Variants in RAPGEF3 observed in about 807,000 individuals in gnomAD.
RAPGEF3 encodes the protein 9330170P05Rik.
A neutral mutation model predicts 129.8 loss-of-function variants in RAPGEF3; 103 were observed. That is an observed-to-expected ratio of 0.79 (90% CI 0.68 to 0.93). The LOEUF (loss-of-function observed/expected upper bound fraction) is 0.93. RAPGEF3 is among the 40% of genes least tolerant of loss of function. The pLI, the probability that RAPGEF3 is intolerant of heterozygous loss-of-function variation, is 0.00. For synonymous variants in RAPGEF3, 436 were observed against 482.6 expected, an observed-to-expected ratio of 0.90 and a Z score of 1.26; for missense variants, 1,117 against 1,207.4, an observed-to-expected ratio of 0.93 and a Z score of 1.11.
At position 47,740,958 on chromosome 12, in the gene RAPGEF3, T is replaced by C; in HGVS notation, c.2006A>G (p.Gln669Arg). The change falls in exon 20 of 28, where the codon CAG becomes CGG. Residue 669 changes from glutamine to arginine, a missense_variant. By Grantham distance (43) the Gln-to-Arg change is conservative. This residue lies in a region of RAPGEF3 where 643 missense variants were observed against 673.4 expected (regional missense o/e 0.95). Transcript: ENST00000449771. The part of the protein sequence containing the change: ...DLVSAKDLAG[Q>R]LTDHDWSLFN... ...GAGGCTCCAGTCGTGGTCCGTCAGC[T>C]GGCCTGCCAGGTCCTTGGCACTCAC... The C allele has an allele frequency of 6.2e-7, 1 of 1,613,896 alleles. No individual in the cohort carries two copies. The highest frequency in any genetic ancestry group is 8.5e-7 in the Non-Finnish European group (1 of 1,179,992).
intron 21 of RAPGEF3, 99 bp downstream of exon 21, chr12:47,740,543 G>A (rs1039051176): frequency 1.3e-6 from 2 of 1,510,296 alleles, no homozygotes; most frequent in African/African-American, 1.4e-5. Flanking sequence ...GGAACAAATA[G>A]GGTGGCAGAT....
chr12:47,742,325 C>G (rs1396554396), intron 18 of RAPGEF3: 1 of 152,232 alleles, frequency 6.6e-6, no homozygotes, highest in Admixed American at 6.5e-5. Flanking sequence ...CTTCGGAGAT[C>G]AGTGCTCTAA....
Position 47,743,571 on chromosome 12 carries a change from C to T in RAPGEF3, c.1784G>A (p.Trp595Ter). 1 of 1,614,156 alleles carries T rather than the reference C, an allele frequency of 6.2e-7. No individual in the cohort carries two copies. The highest frequency in any genetic ancestry group is 8.5e-7 in the Non-Finnish European group (1 of 1,180,004). The change falls in exon 18 of 28, where the codon TGG (tryptophan) becomes TAG (stop). Residue 595 changes from tryptophan to a stop codon, truncating the protein, a stop_gained. Coordinates refer to ENST00000449771, the MANE Select transcript of RAPGEF3 (RefSeq NM_001098531.4). LOFTEE classifies it high-confidence loss of function. ...CTTCACCAGCACCTGCCCCTTGGTC[C>T]AGCCATCCTCCTGGGCCAACGCTGC... ...VMAALAQEDG[W>*]TKGQVLVKVN... is the part of the protein sequence containing the mutation.
At chr12:47,745,838 A>C (rs1192280870) in intron 16 of RAPGEF3, 1 of 152,372 alleles carries the variant, frequency 6.6e-6, no homozygotes, top group Admixed American at 6.5e-5. Flanking sequence ...GGGTGAGCCC[A>C]CATCAGTTTC....
intron 16 of RAPGEF3, 46 bp downstream of exon 16, chr12:47,746,814 G>A (rs1272878749): frequency 1.3e-6 from 2 of 1,555,356 alleles, no homozygotes; most frequent in South Asian, 2.4e-5. Flanking sequence ...GGAGGGGCCT[G>A]CAGTCCAGGA....
rs1026791963 is a variant in RAPGEF3 at position 47,740,967 on chromosome 12, A to C, written c.1997T>G (p.Leu666Arg). ...EGLDLVSAKDLAGQLTDHDWS... is the reference protein window; with the variant it reads ...EGLDLVSAKDRAGQLTDHDWS... ...GTCGTGGTCCGTCAGCTGGCCTGCC[A>C]GGTCCTTGGCACTCACCAGGTCCAG... is the stretch of plus-strand genomic sequence containing the variant. The change falls in exon 20 of 28, where the codon CTG becomes CGG. Residue 666 changes from leucine to arginine, a missense_variant. Physicochemically the swap from Leu to Arg is moderately radical, Grantham distance 102 (BLOSUM62 -2). This residue lies in a region of RAPGEF3 where 643 missense variants were observed against 673.4 expected (regional missense o/e 0.95). Coordinates refer to ENST00000449771, the MANE Select transcript of RAPGEF3 (RefSeq NM_001098531.4). 6.2e-7 allele frequency: 1 copy of C among 1,613,820 alleles called. No individual in the cohort carries two copies. The highest frequency in any genetic ancestry group is 8.5e-7 in the Non-Finnish European group (1 of 1,179,952).
chr12:47,741,774 C>T (rs918617843), intron 18 of RAPGEF3, 172 bp from the exon 19 acceptor site: 20 of 620,854 alleles, frequency 3.2e-5, no homozygotes, highest in Admixed American at 7.4e-5. Context: ...CACGCAGCCA[C>T]GCAGCCCAGG....
chr12:47,749,949 G>A lies in RAPGEF3; in HGVS notation c.798C>T (p.His266=). The part of the protein sequence containing the change: ...ELAAVLLFEP[H]SKAGTVLFSQ... Reference sequence around the variant, plus strand: ...ACTTACACACGGTCCCTGCCTTGCTGTGTGGTTCAAAGAGCAGAACAGCCG... The same window carrying A: ...ACTTACACACGGTCCCTGCCTTGCTATGTGGTTCAAAGAGCAGAACAGCCG... The change falls in exon 8 of 28, where the codon CAC becomes CAT. Residue 266 remains histidine, a synonymous_variant. Transcript: ENST00000449771. The surrounding 1 kb of genome is among the most constrained non-coding windows in gnomAD (Gnocchi z 4.5). 1 of 1,614,256 alleles carries A rather than the reference G, an allele frequency of 6.2e-7. No homozygotes were observed. The highest frequency in any genetic ancestry group is 8.5e-7 in the Non-Finnish European group (1 of 1,180,050).
At chr12:47,754,553 G>A (rs542070752) in intron 2 of RAPGEF3, among the ~76,000 whole-genome samples, 6 of 152,258 alleles carry the variant, frequency 3.9e-5, no homozygotes, top group Admixed American at 2.0e-4. Context: ...GCAGTGCTTC[G>A]GTTTCCTCAT....
chr12:47,739,285 C>T, intron 23 of RAPGEF3, 55 bp from the exon 24 acceptor site: 1 of 1,400,440 alleles, frequency 7.1e-7, no homozygotes, highest in Non-Finnish European at 1.0e-6. Context: ...CACCACAGAC[C>T]CCACCCAACC....
rs1463059222 is a variant in RAPGEF3 at position 47,740,142 on chromosome 12, A to G, written c.2372T>C (p.Leu791Pro). 1.2e-6 allele frequency: 2 copies of G among 1,612,626 alleles called. No homozygotes were observed. Among genetic ancestry groups the G allele is most frequent in the Non-Finnish European group, 1.7e-6 (2 of 1,179,584 alleles). ...GGCCGGGCAGGGTGGAGCACTCACC[A>G]GCAGCCTCTCGAGGGCGGAGTACAG... The part of the protein sequence containing the change: ...RKLYSALERL[L>P]DPSWNHRVYR... Residue 791 changes from leucine to proline, a missense_variant and splice_region_variant, in exon 23 of 28, where the codon CTG (leucine) becomes CCG (proline). By Grantham distance (98) the Leu-to-Pro change is moderately conservative. This residue lies in a region of RAPGEF3 where 643 missense variants were observed against 673.4 expected (regional missense o/e 0.95). Coordinates refer to ENST00000449771, the MANE Select transcript of RAPGEF3 (RefSeq NM_001098531.4).
At position 47,749,059 on chromosome 12, in the gene RAPGEF3, C is replaced by T. The variant is rs1941593980; in HGVS notation, c.1042-128G>A. The stretch of plus-strand genomic sequence containing the variant: ...CAGGGACCCACAGCCCTTCTCCCAC[C>T]TCCGACTTTGGCTCCACCTCCTCAG... On this transcript the variant is annotated intron_variant, in intron 10 of 27. Coordinates refer to ENST00000449771, the MANE Select transcript of RAPGEF3 (RefSeq NM_001098531.4). The surrounding 1 kb of genome is among the most constrained non-coding windows in gnomAD (Gnocchi z 4.5). The T allele has an allele frequency of 2.5e-6, 2 of 795,596 alleles. No homozygotes were observed. Among genetic ancestry groups the T allele is most frequent in the South Asian group, 3.3e-5 (2 of 60,134 alleles). 49.3% of individuals were successfully genotyped at this position (795,596 alleles called of 1,614,324 possible). A position where few individuals can be genotyped will look rare whatever the true frequency, so the allele number is the denominator to read the frequency against.
chr12:47,757,881 G>A lies in RAPGEF3; in HGVS notation c.204C>T (p.Ile68=), dbSNP rs1166587370. Residue 68 remains isoleucine, a synonymous_variant, in exon 2 of 28, where the codon ATC becomes ATT. Coordinates refer to ENST00000449771, the MANE Select transcript of RAPGEF3 (RefSeq NM_001098531.4). ...LLLEHQRPSC[I]QGLRWTPLTN... is the part of the protein sequence containing the mutation. ...AGGTACTCACCCAGCGCAGCCCCTG[G>A]ATGCAGCTCGGACGCTGGTGCTCCA... 6.4e-7 allele frequency: 1 copy of A among 1,555,402 alleles called. No homozygotes were observed. Among genetic ancestry groups the A allele is most frequent in the African/African-American group, 1.4e-5 (1 of 73,662 alleles).
rs1038475141 is a variant in RAPGEF3 at position 47,749,007 on chromosome 12, C to T, written c.1042-76G>A. The T allele has an allele frequency of 1.6e-6, 2 of 1,263,180 alleles. No individual in the cohort carries two copies. The highest frequency in any genetic ancestry group is 2.3e-6 in the Non-Finnish European group (2 of 867,040). 78.2% of individuals were successfully genotyped at this position (1,263,180 alleles called of 1,614,324 possible). On this transcript the variant is annotated intron_variant, in intron 10 of 27. Transcript: ENST00000449771. This position sits in a 1 kb window ranked among gnomAD's most constrained non-coding sequence, Gnocchi z 4.5. ...ACCCTCTCATCTACCTCCTTCATTC[C>T]AGCCCCTGAGCCCCATGAGGGTCCC... is the stretch of plus-strand genomic sequence containing the variant.
At chr12:47,740,270 T>C (rs748595721) in intron 22 of RAPGEF3, 35 bp downstream of exon 22, 2 of 1,610,926 alleles carry the variant, frequency 1.2e-6, no homozygotes, top group Admixed American at 1.7e-5. Context: ...GCCTGAGGCC[T>C]GACCTCAGGA....
In RAPGEF3 at chr12:47,740,879, C is replaced by A. The variant is rs534244548; in HGVS notation, c.2049+36G>T. Reference sequence around the variant, plus strand: ...GTGCTGAGCCGAGCCGGGCGCCCCGCCGCCTGCTCTCCTCCCCCAGCTCTG... The same window carrying A: ...GTGCTGAGCCGAGCCGGGCGCCCCGACGCCTGCTCTCCTCCCCCAGCTCTG... On this transcript the variant is annotated intron_variant, in intron 20 of 27. Transcript: ENST00000449771. 1.9e-6 allele frequency: 3 copies of A among 1,613,670 alleles called. No individual in the cohort carries two copies. In the South Asian group the frequency reaches 3.3e-5, roughly 18 times the overall value.
chr12:47,749,572 G>A lies in RAPGEF3; in HGVS notation c.895-36C>T, dbSNP rs372134333. On this transcript the variant is annotated intron_variant, in intron 9 of 27. Transcript: ENST00000449771. The surrounding 1 kb of genome is among the most constrained non-coding windows in gnomAD (Gnocchi z 4.5). Reference sequence around the variant, plus strand: ...GCCTCAGTCTCAGCCCGCCCCTGCCGCCCCTGCCGCCCCCAGCTCTTGCCA... The same window carrying A: ...GCCTCAGTCTCAGCCCGCCCCTGCCACCCCTGCCGCCCCCAGCTCTTGCCA... 45 of 1,498,744 alleles carry A rather than the reference G, an allele frequency of 3.0e-5. No homozygotes were observed. The highest frequency in any genetic ancestry group is 2.3e-4 in the Middle Eastern group (1 of 4,296). 92.8% of individuals were successfully genotyped at this position (1,498,744 alleles called of 1,614,324 possible). A position where few individuals can be genotyped will look rare whatever the true frequency, so the allele number is the denominator to read the frequency against.
intron 16 of RAPGEF3, 47 bp from the exon 17 acceptor site, chr12:47,744,115 G>C: frequency 6.8e-7 from 1 of 1,468,852 alleles, no homozygotes; most frequent in South Asian, 1.2e-5. Flanking sequence ...GACATGAGAG[G>C]AGACCGTGGA....
rs780159448 is a variant in RAPGEF3 at position 47,751,088 on chromosome 12, G to T, written c.631C>A (p.Arg211=). ...ACAGTGAGCAGGGCGTCAGGCCCCC[G>T]CTGGGAGAGCAGGGCCACAGCTTCG... The part of the protein sequence containing the change: ...LAEAVALLSQ[R]GPDALLTVAL... The change falls in exon 6 of 28, where the codon CGG becomes AGG. Residue 211 remains arginine (R), a synonymous_variant. Transcript: ENST00000449771. 2 of 1,593,076 alleles carry T rather than the reference G, an allele frequency of 1.3e-6. No homozygotes were observed.
Sources: gnomAD v4.1 joint callset for allele counts (sites outside exome capture counted in the v4.1 genomes callset) on GRCh38, gnomAD v4.1.1 for gene constraint, gnomAD v4.1.1 regional missense constraint, Gnocchi (gnomAD v3.1) non-coding constraint, MANE v1.5 for transcripts, NCBI Gene and HGNC (gene_info 2026-07-23, HGNC 2026-07-21) for gene names.